Variants in CSMD1 observed in about 807,000 individuals in gnomAD.
CSMD1 encodes the protein CUB and Sushi multiple domains 1.
CSMD1 carries 213 observed loss-of-function variants against 417.5 expected under a neutral mutation model. The ratio of observed to expected loss-of-function variants is 0.51; its 90% confidence interval spans 0.46 to 0.57. The LOEUF (loss-of-function observed/expected upper bound fraction) is 0.57, where lower values mean the gene tolerates loss of function less well. CSMD1 is among the 20% of genes least tolerant of loss of function. The probability of loss-of-function intolerance (pLI) is 0.00; values close to 1 mark genes in which losing one functional copy is unlikely to be tolerated. For synonymous variants in CSMD1, 2,862 were observed against 1,736.8 expected (o/e 1.65, Z -16.11); for missense variants, 6,923 against 4,529.7 (o/e 1.53, Z -15.17).
intron 10 of CSMD1, among the ~76,000 whole-genome samples, chr8:3,526,272 CAAAAG>C (rs1170369480): frequency 5.9e-5 from 9 of 151,760 alleles, no homozygotes; most frequent in South Asian, 2.1e-4. Flanking sequence ...ATAAAGCTAC[CAAAAG>C]AAAAGAAAAG....
At chr8:3,179,355 A>G (rs1821164919) in intron 37 of CSMD1, among the ~76,000 whole-genome samples, 1 of 152,228 alleles carries the variant, frequency 6.6e-6, no homozygotes, top group Non-Finnish European at 1.5e-5. Flanking sequence ...AAAAACAACC[A>G]CTTAAAAAAG....
At chr8:4,544,575 A>G (rs1216426694) in intron 2 of CSMD1, among the ~76,000 whole-genome samples, 1 of 152,188 alleles carries the variant, frequency 6.6e-6, no homozygotes. Context: ...GGAAAAATTT[A>G]TATATTAATC....
intron 1 of CSMD1, among the ~76,000 whole-genome samples, chr8:4,850,986 A>C (rs940916417): frequency 6.6e-6 from 1 of 150,868 alleles, no homozygotes; most frequent in Admixed American, 6.6e-5. Context: ...TTTAGGGTAC[A>C]TGTGCACAAA....
At chr8:4,694,683 T>C (rs567888101) in intron 1 of CSMD1, among the ~76,000 whole-genome samples, 76 of 152,208 alleles carry the variant, frequency 5.0e-4, no homozygotes, top group African/African-American at 1.6e-3. Context: ...CCTAGATACA[T>C]TGATTGATGT....
chr8:4,260,256 A>G (rs144714280), intron 3 of CSMD1, among the ~76,000 whole-genome samples: 3 of 152,260 alleles, frequency 2.0e-5, no homozygotes, highest in Non-Finnish European at 1.5e-5. Flanking sequence ...CATTCCGCTT[A>G]TTACTAGTGA....
intron 5 of CSMD1, among the ~76,000 whole-genome samples, chr8:3,789,442 G>GT (rs34045957): frequency 0.03 from 3,500 of 115,572 alleles, 89 homozygotes; most frequent in African/African-American, 0.061. Context: ...TTTTTTAAGT[G>GT]TTTTTTTTTT....
chr8:4,231,414 C>T (rs1378098630), intron 3 of CSMD1, among the ~76,000 whole-genome samples: 3 of 152,070 alleles, frequency 2.0e-5, no homozygotes, highest in Admixed American at 2.0e-4. Context: ...AAAGTTGTTA[C>T]AAAAATTACG....
chr8:3,307,752 T>C lies in CSMD1; in HGVS notation c.3893A>G (p.Tyr1298Cys). ...CCAGGTGCAGTGGAGGTTGTTGTCA[T>C]ACGGAGCTGGATAGCCAGGGGACAA... is the stretch of plus-strand genomic sequence containing the variant. ...RILSPGYPAP[Y>C]DNNLHCTWII... The change falls in exon 25 of 70, where the codon TAT becomes TGT. Residue 1298 changes from tyrosine (Y) to cysteine (C), a missense_variant. Coordinates refer to ENST00000635120, the MANE Select transcript of CSMD1 (RefSeq NM_033225.6). The C allele has an allele frequency of 1.2e-6, 2 of 1,613,796 alleles. No individual in the cohort carries two copies. Among genetic ancestry groups the C allele is most frequent in the Non-Finnish European group, 1.7e-6 (2 of 1,179,730 alleles).
chr8:4,041,749 G>C (rs367900306), intron 3 of CSMD1, among the ~76,000 whole-genome samples: 149 of 152,192 alleles, frequency 9.8e-4, no homozygotes, highest in African/African-American at 3.5e-3. Context: ...TTCTCAGTCA[G>C]GTGATGATGG....
chr8:4,634,352 G>T (rs186007133), intron 2 of CSMD1, among the ~76,000 whole-genome samples: 1 of 151,852 alleles, frequency 6.6e-6, no homozygotes. Context: ...TGTCAGCTGG[G>T]GATTAAATCT....
At chr8:4,320,820 C>T (rs552707523) in intron 3 of CSMD1, among the ~76,000 whole-genome samples, 60 of 152,274 alleles carry the variant, frequency 3.9e-4, no homozygotes, top group African/African-American at 1.2e-3. Flanking sequence ...TTTGACCCAA[C>T]AATCCCATTA....
chr8:3,320,845 TG>T (rs1207382980), intron 23 of CSMD1, among the ~76,000 whole-genome samples: 2 of 152,194 alleles, frequency 1.3e-5, no homozygotes, highest in Admixed American at 1.3e-4. Context: ...ATCCTGCCTA[TG>T]GGGATACAAC....
At chr8:3,302,765 T>C (rs565974291) in intron 25 of CSMD1, among the ~76,000 whole-genome samples, 11 of 152,332 alleles carry the variant, frequency 7.2e-5, no homozygotes, top group African/African-American at 2.4e-4. Context: ...TCAGAATTTG[T>C]CCTTCATGCA....
intron 5 of CSMD1, among the ~76,000 whole-genome samples, chr8:3,969,530 C>G (rs933666261): frequency 5.9e-5 from 9 of 152,142 alleles, no homozygotes; most frequent in Admixed American, 1.3e-4. Context: ...TTGGTGAAAT[C>G]TCTGTAAAAT....
chr8:3,997,602 C>A (rs1331088758), intron 5 of CSMD1, among the ~76,000 whole-genome samples: 2 of 152,180 alleles, frequency 1.3e-5, no homozygotes, highest in African/African-American at 4.8e-5. Context: ...CAGCTTCAGA[C>A]CAAACCCAAA....
At chr8:3,706,973 A>G (rs1463525709) in intron 7 of CSMD1, among the ~76,000 whole-genome samples, 1 of 152,140 alleles carries the variant, frequency 6.6e-6, no homozygotes, top group Admixed American at 6.6e-5. Context: ...AGAAAGTGCC[A>G]TGCAAACATT....
intron 10 of CSMD1, among the ~76,000 whole-genome samples, chr8:3,530,002 AT>A (rs1797911909): frequency 1.3e-5 from 2 of 151,836 alleles, no homozygotes; most frequent in African/African-American, 4.9e-5. Flanking sequence ...CCCCATGACA[AT>A]TTAATTTTAT....
chr8:4,188,093 G>T (rs1443131214), intron 3 of CSMD1, among the ~76,000 whole-genome samples: 1 of 152,074 alleles, frequency 6.6e-6, no homozygotes, highest in Admixed American at 6.6e-5. Context: ...ACTGCTGGCA[G>T]GATGCACGAC....
chr8:2,975,634 C>G (rs548596196), intron 55 of CSMD1, among the ~76,000 whole-genome samples: 1 of 152,268 alleles, frequency 6.6e-6, no homozygotes, highest in South Asian at 2.1e-4. Context: ...CCAGTGAGAC[C>G]TGAAACAGTG....
Sources: allele counts gnomAD v4.1 joint callset (sites outside exome capture counted in the v4.1 genomes callset), GRCh38; gene constraint gnomAD v4.1.1; transcripts MANE v1.5; gene names NCBI Gene and HGNC (gene_info 2026-07-23, HGNC 2026-07-21).